Variants in ST6GALNAC3 observed in about 807,000 individuals in gnomAD.
ST6GALNAC3 encodes the protein alpha-N-acetylgalactosaminide alpha-2,6-sialyltransferase 3.
Under a neutral mutation model 32.7 loss-of-function variants are expected in ST6GALNAC3, and 25 were observed. The ratio of observed to expected loss-of-function variants is 0.76; its 90% confidence interval spans 0.56 to 1.07. The LOEUF (loss-of-function observed/expected upper bound fraction) is 1.07, where lower values mean the gene tolerates loss of function less well. Ranked by LOEUF, ST6GALNAC3 falls within the 50% of genes least tolerant of loss-of-function variation. The pLI, the probability that ST6GALNAC3 is intolerant of heterozygous loss-of-function variation, is 0.00. For synonymous variants in ST6GALNAC3, 129 were observed against 133.1 expected (o/e 0.97, Z 0.21); for missense variants, 355 against 382.4 (o/e 0.93, Z 0.60).
chr1:76,321,668 G>T (rs1443957346), intron 2 of ST6GALNAC3, among the ~76,000 whole-genome samples: 7 of 152,140 alleles, frequency 4.6e-5, no homozygotes, highest in Admixed American at 3.3e-4. Context: ...GTCAGTGCAG[G>T]TGTCTGCAAG....
At chr1:76,595,707 G>T (rs1313961141) in intron 3 of ST6GALNAC3, among the ~76,000 whole-genome samples, 6 of 146,244 alleles carry the variant, frequency 4.1e-5, no homozygotes, top group Non-Finnish European at 9.1e-5. Flanking sequence ...ACACACACAC[G>T]GCCATTTTGG....
At chr1:76,603,877 A>G (rs913905827) in intron 3 of ST6GALNAC3, among the ~76,000 whole-genome samples, 90 of 152,188 alleles carry the variant, frequency 5.9e-4, no homozygotes, top group Non-Finnish European at 8.1e-4. Flanking sequence ...CTATGAACAC[A>G]TTACCTATAG....
At chr1:76,353,104 C>A (rs1162850996) in intron 2 of ST6GALNAC3, among the ~76,000 whole-genome samples, 5 of 152,158 alleles carry the variant, frequency 3.3e-5, no homozygotes, top group Non-Finnish European at 7.3e-5. Context: ...TTCTTAAATT[C>A]TTTATTGGGC....
At chr1:76,134,967 A>C (rs140334483) in intron 1 of ST6GALNAC3, among the ~76,000 whole-genome samples, 2,758 of 152,024 alleles carry the variant, frequency 0.018, 88 homozygotes, top group African/African-American at 0.064. Context: ...ACATGGTAAA[A>C]CCCTATCTCT....
rs181392965 is a variant in ST6GALNAC3, at chr1:76,329,562, C to T, written c.213+15563C>T. On this transcript the variant is annotated intron_variant, in intron 2 of 4. Coordinates refer to ENST00000328299, the MANE Select transcript of ST6GALNAC3 (RefSeq NM_152996.4). ...ATCTCTACATGTAGAAAAAGTCTACCGATTCCTTAAAATCCCATCCAAAGG... is the reference window on the plus strand; with the variant it reads ...ATCTCTACATGTAGAAAAAGTCTACTGATTCCTTAAAATCCCATCCAAAGG... 2.6e-3 allele frequency among the ~76,000 whole-genome samples: 402 copies of T among 152,216 alleles called. 1 individual carries two copies. The highest frequency in any genetic ancestry group is 9.4e-3 in the African/African-American group (391 of 41,540).
chr1:76,627,040 G>A (rs930983021), intron 3 of ST6GALNAC3, among the ~76,000 whole-genome samples: 3 of 151,922 alleles, frequency 2.0e-5, no homozygotes, highest in African/African-American at 7.2e-5. Context: ...GTCCAGTTAA[G>A]CAAGATAGCA....
rs376045415 is a variant in ST6GALNAC3, at chr1:76,408,186, C to T, written c.214-3822C>T. ...ATGTTCCATTTGTCTGGCCCCCACA[C>T]TCTTGTCATACTTTAAAGATGGTTC... On this transcript the variant is annotated intron_variant, in intron 2 of 4. Coordinates refer to ENST00000328299, the MANE Select transcript of ST6GALNAC3 (RefSeq NM_152996.4). 3.9e-5 allele frequency among the ~76,000 whole-genome samples: 6 copies of T among 152,026 alleles called. No individual in the cohort carries two copies. The East Asian group carries it at 9.6e-4, about 24-fold the overall frequency.
intron 2 of ST6GALNAC3, among the ~76,000 whole-genome samples, chr1:76,356,319 C>G (rs930185816): frequency 6.0e-5 from 9 of 150,992 alleles, no homozygotes; most frequent in Admixed American, 1.3e-4. Context: ...TGCTTTTGAT[C>G]GGATCCAAAT....
At chr1:76,281,901 C>A (rs1253489553) in intron 1 of ST6GALNAC3, among the ~76,000 whole-genome samples, 1 of 152,118 alleles carries the variant, frequency 6.6e-6, no homozygotes, top group Non-Finnish European at 1.5e-5. Flanking sequence ...ATACCAGGTG[C>A]TGGGTGCTGT....
At chr1:76,336,663 C>G (rs563140852) in intron 2 of ST6GALNAC3, among the ~76,000 whole-genome samples, 3 of 152,262 alleles carry the variant, frequency 2.0e-5, no homozygotes, top group South Asian at 4.2e-4. Context: ...TGAGGGCTGT[C>G]AAGACATCTC....
In ST6GALNAC3 at chr1:76,556,529, A is replaced by G. The variant is rs185932591; in HGVS notation, c.624-70923A>G. On this transcript the variant is annotated intron_variant, in intron 3 of 4. Coordinates refer to ENST00000328299, the MANE Select transcript of ST6GALNAC3 (RefSeq NM_152996.4). ...TTTATGAGGGTTCTGATTTCTCCAT[A>G]TCTTAGCCAACTCTTGTTATTATCT... Among the ~76,000 whole-genome samples the G allele has an allele frequency of 2.0e-5, 3 of 152,148 alleles. No homozygotes were observed. In the East Asian group the frequency reaches 5.8e-4, roughly 29 times the overall value.
chr1:76,518,633 T>C (rs1662317262), intron 3 of ST6GALNAC3, among the ~76,000 whole-genome samples: 1 of 152,162 alleles, frequency 6.6e-6, no homozygotes, highest in African/African-American at 2.4e-5. Context: ...TGAATTAGAT[T>C]CTCAGTAATT....
chr1:76,281,681 C>T (rs1659504508), intron 1 of ST6GALNAC3, among the ~76,000 whole-genome samples: 3 of 152,280 alleles, frequency 2.0e-5, no homozygotes, highest in South Asian at 4.2e-4. Flanking sequence ...GTGCCTTGGG[C>T]CTATTCAGCA....
chr1:76,098,905 C>G (rs1007184469), intron 1 of ST6GALNAC3, among the ~76,000 whole-genome samples: 4 of 151,858 alleles, frequency 2.6e-5, no homozygotes, highest in African/African-American at 9.7e-5. Flanking sequence ...CATTATTTTG[C>G]CTTTCAAATT....
At chr1:76,412,616 G>T (rs1381558895) in intron 3 of ST6GALNAC3, among the ~76,000 whole-genome samples, 199 bp downstream of exon 3, 1 of 152,018 alleles carries the variant, frequency 6.6e-6, no homozygotes, top group Non-Finnish European at 1.5e-5. Flanking sequence ...TTTCCATTCT[G>T]ATTGGTTTGA....
intron 3 of ST6GALNAC3, among the ~76,000 whole-genome samples, chr1:76,466,495 T>C (rs755584096): frequency 1.3e-4 from 20 of 152,202 alleles, no homozygotes; most frequent in Non-Finnish European, 2.6e-4. Context: ...TAAAGTGCAA[T>C]ACTGCTGCTA....
At chr1:76,560,024 A>C (rs906957547) in intron 3 of ST6GALNAC3, among the ~76,000 whole-genome samples, 1 of 152,122 alleles carries the variant, frequency 6.6e-6, no homozygotes, top group Middle Eastern at 3.2e-3. Context: ...CCAGAAACAA[A>C]TCCATGCACC....
intron 2 of ST6GALNAC3, among the ~76,000 whole-genome samples, chr1:76,362,736 A>G (rs1276948922): frequency 1.3e-5 from 2 of 152,082 alleles, no homozygotes. Flanking sequence ...ATCTCCTTTG[A>G]CTCCATGTCT....
Position 76,419,265 on chromosome 1 carries a change from G to C in ST6GALNAC3, c.623+6848G>C, listed in dbSNP as rs188409556. Among the ~76,000 whole-genome samples the C allele has an allele frequency of 5.9e-5, 9 of 152,174 alleles. No individual in the cohort carries two copies. The East Asian group carries it at 1.7e-3, about 29-fold the overall frequency. On this transcript the variant is annotated intron_variant, in intron 3 of 4. Transcript: ENST00000328299. ...CTCTGGGCCAGAGGATGACTTGACA[G>C]AAGGCCAGATTCTCAGAAAAAATTA...
Sources: allele counts gnomAD v4.1 joint callset (sites outside exome capture counted in the v4.1 genomes callset), GRCh38; gene constraint gnomAD v4.1.1; transcripts MANE v1.5; gene names NCBI Gene and HGNC (gene_info 2026-07-23, HGNC 2026-07-21).